Variants in SUCLG2 observed in about 807,000 individuals in gnomAD.
SUCLG2 encodes succinate--CoA ligase [GDP-forming] subunit beta, mitochondrial.
A neutral mutation model predicts 47.9 loss-of-function variants in SUCLG2; 42 were observed. The ratio of observed to expected loss-of-function variants is 0.88; its 90% CI spans 0.69 to 1.14. The LOEUF is 1.14. Ranked by LOEUF, SUCLG2 falls within the 50% of genes most tolerant of loss-of-function variation. The probability of loss-of-function intolerance (pLI) is 0.00; values close to 1 mark genes in which losing one functional copy is unlikely to be tolerated. For missense variants in SUCLG2, 571 were observed against 525.9 expected (o/e 1.09, Z -0.84); for synonymous variants, 195 against 197.3 (o/e 0.99, Z 0.10).
chr3:67,471,705 G>C (rs1021731020), intron 9 of SUCLG2, among the ~76,000 whole-genome samples: 1 of 146,866 alleles, frequency 6.8e-6, no homozygotes, highest in African/African-American at 2.7e-5. Flanking sequence ...GGAGAACCTT[G>C]GTCTGTGTTA....
At chr3:67,417,040 A>T (rs1186485885) in intron 9 of SUCLG2, among the ~76,000 whole-genome samples, 1 of 152,156 alleles carries the variant, frequency 6.6e-6, no homozygotes, top group East Asian at 1.9e-4. Flanking sequence ...AGCTATTTTG[A>T]TTCTCTGAAA....
intron 9 of SUCLG2, among the ~76,000 whole-genome samples, chr3:67,436,470 A>G (rs1703625674): frequency 6.6e-6 from 1 of 152,180 alleles, no homozygotes; most frequent in Non-Finnish European, 1.5e-5. Context: ...TCTTCATTGA[A>G]TGGCATTTAT....
intron 9 of SUCLG2, among the ~76,000 whole-genome samples, 195 bp downstream of exon 9, chr3:67,495,603 G>T (rs1484741775): frequency 6.7e-6 from 1 of 148,522 alleles, no homozygotes; most frequent in Non-Finnish European, 1.5e-5. Flanking sequence ...AGTGAGCCAA[G>T]ATCGCGCCAC....
At chr3:67,383,166 T>A (rs944510949) in intron 10 of SUCLG2, among the ~76,000 whole-genome samples, 1 of 152,228 alleles carries the variant, frequency 6.6e-6, no homozygotes, top group Admixed American at 6.5e-5. Context: ...CCATGTGGCC[T>A]CAGTCGAGAT....
chr3:67,456,561 T>C (rs532050518), intron 9 of SUCLG2, among the ~76,000 whole-genome samples: 1 of 152,218 alleles, frequency 6.6e-6, no homozygotes, highest in Admixed American at 6.5e-5. Flanking sequence ...GAAAAACACA[T>C]TCAACTCAAA....
chr3:67,570,058 T>C (rs1385859198), intron 2 of SUCLG2, among the ~76,000 whole-genome samples: 4 of 152,170 alleles, frequency 2.6e-5, no homozygotes, highest in Non-Finnish European at 5.9e-5. Flanking sequence ...GATGATGATG[T>C]CCTTATAAGA....
chr3:67,536,896 T>C (rs1188516360), intron 2 of SUCLG2, among the ~76,000 whole-genome samples: 1 of 152,172 alleles, frequency 6.6e-6, no homozygotes, highest in Non-Finnish European at 1.5e-5. Flanking sequence ...AACTAAAGAT[T>C]TTCATTGCAA....
intron 9 of SUCLG2, among the ~76,000 whole-genome samples, chr3:67,469,524 T>C (rs1289512473): frequency 4.7e-5 from 7 of 150,426 alleles, no homozygotes; most frequent in Admixed American, 4.6e-4. Context: ...GGTCAGGAGT[T>C]CGAGACCAGC....
intron 9 of SUCLG2, among the ~76,000 whole-genome samples, chr3:67,473,370 T>C (rs1427241001): frequency 6.6e-6 from 1 of 152,206 alleles, no homozygotes; most frequent in Non-Finnish European, 1.5e-5. Context: ...GATTACATTA[T>C]GGAGCTCAAT....
chr3:67,525,329 G>A lies in SUCLG2; in HGVS notation c.417+2803C>T, dbSNP rs151101764. Among the ~76,000 whole-genome samples, 1,082 of 152,152 alleles carry A rather than the reference G, an allele frequency of 7.1e-3. 6 individuals are homozygous for A. Among genetic ancestry groups the A allele is most frequent in the Middle Eastern group, 0.024 (7 of 294 alleles). ...AACTAGAACAGGTAAAACTGTTTTG[G>A]AAAAGAAGAATAAAGTGACAAGAGT... On this transcript the variant is annotated intron_variant, in intron 4 of 10. Coordinates refer to ENST00000307227, the MANE Select transcript of SUCLG2 (RefSeq NM_003848.4).
intron 9 of SUCLG2, among the ~76,000 whole-genome samples, chr3:67,403,820 G>A (rs998843445): frequency 1.3e-5 from 2 of 152,164 alleles, no homozygotes; most frequent in Non-Finnish European, 2.9e-5. Flanking sequence ...TACAGGTGAG[G>A]CCAAGATTGT....
chr3:67,426,133 A>T (rs1247701949), intron 9 of SUCLG2, among the ~76,000 whole-genome samples: 7 of 152,218 alleles, frequency 4.6e-5, no homozygotes, highest in Non-Finnish European at 8.8e-5. Context: ...AAGATTGCCA[A>T]GCTTTAGTAT....
chr3:67,376,481 T>C, intron 10 of SUCLG2: 5 of 985,362 alleles, frequency 5.1e-6, no homozygotes, highest in Non-Finnish European at 6.0e-6. Flanking sequence ...GAACTGCTTT[T>C]CTGCCATTTT....
rs546185114 is a variant in SUCLG2 at position 67,425,077 on chromosome 3, G to A, written c.1063-24226C>T. On this transcript the variant is annotated intron_variant, in intron 9 of 10. Transcript: ENST00000307227. ...GAATCATTTTGCATTTGAATTAAGC[G>A]CTCTTCTAGTTTTAAATTCAATGTC... Among the ~76,000 whole-genome samples, 34 of 152,088 alleles carry A rather than the reference G, an allele frequency of 2.2e-4. No individual in the cohort carries two copies. The East Asian group carries it at 6.0e-3, about 27-fold the overall frequency.
At chr3:67,397,532 A>G (rs1193825729) in intron 10 of SUCLG2, among the ~76,000 whole-genome samples, 1 of 152,248 alleles carries the variant, frequency 6.6e-6, no homozygotes, top group Non-Finnish European at 1.5e-5. Context: ...ATATAAACAA[A>G]TGGAAGAACA....
intron 9 of SUCLG2, among the ~76,000 whole-genome samples, chr3:67,490,300 AAT>A (rs1559545209): frequency 6.6e-6 from 1 of 152,216 alleles, no homozygotes; most frequent in African/African-American, 2.4e-5. Context: ...TGAATCCTAA[AAT>A]ATATTAAAAC....
At chr3:67,649,706 G>A (rs1322319295) in intron 1 of SUCLG2, among the ~76,000 whole-genome samples, 1 of 152,152 alleles carries the variant, frequency 6.6e-6, no homozygotes, top group Non-Finnish European at 1.5e-5. Flanking sequence ...TTAGTGTACT[G>A]ATATTATCAT....
intron 9 of SUCLG2, among the ~76,000 whole-genome samples, chr3:67,449,011 T>C (rs1300640934): frequency 6.6e-6 from 1 of 152,188 alleles, no homozygotes; most frequent in Admixed American, 6.5e-5. Flanking sequence ...ATTTCTTGCT[T>C]TTTTGCTTTC....
chr3:67,554,799 C>T (rs191562941), intron 2 of SUCLG2, among the ~76,000 whole-genome samples: 11 of 152,234 alleles, frequency 7.2e-5, no homozygotes, highest in Admixed American at 3.9e-4. Flanking sequence ...TAAAATCACA[C>T]GCCCACAACT....
Sources: gnomAD v4.1 joint callset for allele counts (sites outside exome capture counted in the v4.1 genomes callset) on GRCh38, gnomAD v4.1.1 for gene constraint, MANE v1.5 for transcripts, NCBI Gene and HGNC (gene_info 2026-07-23, HGNC 2026-07-21) for gene names.